Variants in FHIT observed in about 807,000 individuals in gnomAD.
FHIT encodes bis(5'-adenosyl)-triphosphatase.
FHIT carries 19 observed loss-of-function variants against 17.9 expected under a neutral mutation model. The ratio of observed to expected loss-of-function variants is 1.06; its 90% CI spans 0.74 to 1.56. The LOEUF (loss-of-function observed/expected upper bound fraction) is 1.56. Ranked by LOEUF, FHIT falls within the 40% of genes most tolerant of loss-of-function variation. FHIT has a pLI of 0.00. For missense variants in FHIT, 248 were observed against 189.2 expected, an observed-to-expected ratio of 1.31 and a Z score of -1.82; for synonymous variants, 81 against 69.7, an observed-to-expected ratio of 1.16 and a Z score of -0.81.
chr3:60,224,476 G>T (rs1479406820), intron 5 of FHIT, among the ~76,000 whole-genome samples: 1 of 152,092 alleles, frequency 6.6e-6, no homozygotes, highest in East Asian at 1.9e-4. Flanking sequence ...TGTTCTTCAA[G>T]GAATCTTCGA....
chr3:60,668,949 A>G (rs1233841310), intron 4 of FHIT, among the ~76,000 whole-genome samples: 2 of 152,134 alleles, frequency 1.3e-5, no homozygotes, highest in East Asian at 1.9e-4. Context: ...AAAGCAGGGG[A>G]AAATGGGTCT....
chr3:61,098,522 T>G (rs2035714877), intron 2 of FHIT, among the ~76,000 whole-genome samples: 1 of 152,196 alleles, frequency 6.6e-6, no homozygotes, highest in Non-Finnish European at 1.5e-5. Flanking sequence ...AACACTGAAT[T>G]TCTATAAACT....
chr3:60,440,102 G>C (rs540632901), intron 5 of FHIT, among the ~76,000 whole-genome samples: 18 of 152,044 alleles, frequency 1.2e-4, no homozygotes, highest in Non-Finnish European at 2.5e-4. Flanking sequence ...AGAGGTAGGC[G>C]CATTGTCCAT....
In FHIT at chr3:60,482,975, A is replaced by T. The variant is rs143313274; in HGVS notation, c.103+53885T>A. Among the ~76,000 whole-genome samples the T allele has an allele frequency of 4.3e-3, 654 of 152,106 alleles. 5 individuals carry two copies. The highest frequency in any genetic ancestry group is 0.015 in the African/African-American group (635 of 41,506). Reference sequence around the variant, plus strand: ...AAGAGAGAAGAATCAAATACACACAATAAAAAAATGATAATAGGGATATCA... The same window carrying T: ...AAGAGAGAAGAATCAAATACACACATTAAAAAAATGATAATAGGGATATCA... On this transcript the variant is annotated intron_variant, in intron 5 of 9. Coordinates refer to ENST00000492590, the MANE Select transcript of FHIT (RefSeq NM_002012.4).
chr3:60,611,392 G>A (rs1444567453), intron 4 of FHIT, among the ~76,000 whole-genome samples: 7 of 152,142 alleles, frequency 4.6e-5, no homozygotes, highest in African/African-American at 7.2e-5. Context: ...TCCATTATAG[G>A]AACGCTAAGC....
chr3:59,932,221 C>A (rs1706007383), intron 7 of FHIT, among the ~76,000 whole-genome samples: 1 of 152,166 alleles, frequency 6.6e-6, no homozygotes, highest in Admixed American at 6.5e-5. Context: ...AAGACTGGAT[C>A]ACATAAAATG....
At chr3:60,061,417 A>C in intron 5 of FHIT, among the ~76,000 whole-genome samples, 1 of 152,180 alleles carries the variant, frequency 6.6e-6, no homozygotes, top group East Asian at 1.9e-4. Context: ...CTGTTTGTAG[A>C]GATGGATATC....
At position 61,144,344 on chromosome 3, in the gene FHIT, G is replaced by T. The variant is rs368390741; in HGVS notation, c.-164+56273C>A. On this transcript the variant is annotated intron_variant, in intron 2 of 9. Coordinates refer to ENST00000492590, the MANE Select transcript of FHIT (RefSeq NM_002012.4). ...TTTCACTTAACATAATGTTTTCAAG[G>T]TTCATTCACATTGTAGCATGTTTCA... is the stretch of plus-strand genomic sequence containing the variant. Among the ~76,000 whole-genome samples, 12 of 152,176 alleles carry T rather than the reference G, an allele frequency of 7.9e-5. 1 individual carries two copies. In the East Asian group the frequency reaches 2.3e-3, roughly 29 times the overall value.
chr3:60,265,604 A>G (rs1706534543), intron 5 of FHIT, among the ~76,000 whole-genome samples: 1 of 152,016 alleles, frequency 6.6e-6, no homozygotes, highest in Non-Finnish European at 1.5e-5. Flanking sequence ...AAAAGTTTGT[A>G]TTTTGAAGGA....
chr3:60,338,492 G>A (rs1321364987), intron 5 of FHIT, among the ~76,000 whole-genome samples: 2 of 152,148 alleles, frequency 1.3e-5, no homozygotes, highest in Non-Finnish European at 2.9e-5. Context: ...CCATGTCTAT[G>A]TCTGGTCCCA....
intron 5 of FHIT, among the ~76,000 whole-genome samples, chr3:60,243,449 C>A (rs149728694): frequency 1.8e-4 from 27 of 152,182 alleles, no homozygotes; most frequent in African/African-American, 6.0e-4. Context: ...CATGGAGAGG[C>A]GATGGGGAGA....
At chr3:60,390,218 G>A (rs910894384) in intron 5 of FHIT, among the ~76,000 whole-genome samples, 2 of 151,972 alleles carry the variant, frequency 1.3e-5, no homozygotes, top group East Asian at 1.9e-4. Flanking sequence ...ATGGGTATCA[G>A]TATATGGATA....
intron 2 of FHIT, among the ~76,000 whole-genome samples, chr3:61,063,902 C>T (rs1357039092): frequency 2.0e-5 from 3 of 152,108 alleles, no homozygotes; most frequent in African/African-American, 2.4e-5. Context: ...ACTTAGTTCC[C>T]TCTGACCTCC....
chr3:61,161,482 A>C (rs754427821), intron 2 of FHIT, among the ~76,000 whole-genome samples: 2 of 152,190 alleles, frequency 1.3e-5, no homozygotes, highest in Non-Finnish European at 2.9e-5. Flanking sequence ...GATTACAGGC[A>C]TGAGCCACTG....
chr3:60,744,269 A>AAAAAAAAAAAAAAAAAAAAC (rs2042306809), intron 4 of FHIT, among the ~76,000 whole-genome samples: 1 of 16,052 alleles, frequency 6.2e-5, no homozygotes, highest in African/African-American at 2.4e-4. Flanking sequence ...AAAACAAAAC[A>AAAAAAAAAAAAAAAAAAAAC]AAAAAAAAAA....
chr3:60,616,208 C>T (rs2038945791), intron 4 of FHIT, among the ~76,000 whole-genome samples: 1 of 152,184 alleles, frequency 6.6e-6, no homozygotes, highest in Non-Finnish European at 1.5e-5. Flanking sequence ...CCTATTTACA[C>T]AACACCTGTT....
chr3:60,644,673 G>C (rs1553686265), intron 4 of FHIT, among the ~76,000 whole-genome samples: 1 of 152,106 alleles, frequency 6.6e-6, no homozygotes, highest in African/African-American at 2.4e-5. Flanking sequence ...GCAGGCCCAC[G>C]AGTTTGCTGT....
In FHIT at chr3:60,860,445, A is replaced by G. The variant is rs1026181483; in HGVS notation, c.-110-38434T>C. On this transcript the variant is annotated intron_variant, in intron 3 of 9. Transcript: ENST00000492590. Reference sequence around the variant, plus strand: ...TATATGATACATATATATCATGTATATATGATACATATGTACATATATATG... The same window carrying G: ...TATATGATACATATATATCATGTATGTATGATACATATGTACATATATATG... 3.2e-5 allele frequency among the ~76,000 whole-genome samples: 4 copies of G among 125,262 alleles called. 1 individual carries two copies. Among genetic ancestry groups the G allele is most frequent in the African/African-American group, 6.0e-5 (2 of 33,204 alleles). 82.2% of individuals were successfully genotyped at this position (125,262 alleles called of 152,430 possible). A position where few individuals can be genotyped will look rare whatever the true frequency, so the allele number is the denominator to read the frequency against.
At chr3:61,090,776 A>G (rs139474057) in intron 2 of FHIT, among the ~76,000 whole-genome samples, 120 of 152,342 alleles carry the variant, frequency 7.9e-4, no homozygotes, top group Middle Eastern at 3.4e-3. Flanking sequence ...GATAAACAAA[A>G]ATAACGTTTT....
Sources: allele counts gnomAD v4.1 joint callset (sites outside exome capture counted in the v4.1 genomes callset), GRCh38; gene constraint gnomAD v4.1.1; transcripts MANE v1.5; gene names NCBI Gene and HGNC (gene_info 2026-07-23, HGNC 2026-07-21).